WIPF3: variants seen among roughly 807,000 people sequenced by gnomAD.
The protein encoded by WIPF3 is WAS/WASL interacting protein family member 3.
In WIPF3, 33 loss-of-function variants were observed where a neutral mutation model predicts 38.9. The ratio of observed to expected loss-of-function variants is 0.85; its 90% CI spans 0.64 to 1.14. WIPF3 has a LOEUF of 1.14. Ranked by LOEUF, WIPF3 falls within the 50% of genes most tolerant of loss-of-function variation. The probability of loss-of-function intolerance (pLI) is 0.00; values close to 1 mark genes in which losing one functional copy is unlikely to be tolerated. For missense variants in WIPF3, 711 were observed against 652.5 expected, an observed-to-expected ratio of 1.09 and a Z score of -0.98; for synonymous variants, 324 against 269.3, an observed-to-expected ratio of 1.20 and a Z score of -1.99.
intron 8 of WIPF3, among the ~76,000 whole-genome samples, chr7:29,910,794 A>G (rs1017931664): frequency 2.6e-5 from 4 of 152,172 alleles, no homozygotes; most frequent in Non-Finnish European, 4.4e-5. Context: ...CCATATATGA[A>G]AAATCTACAG....
chr7:29,850,083 A>G (rs910947787), intron 2 of WIPF3, among the ~76,000 whole-genome samples: 10 of 152,248 alleles, frequency 6.6e-5, no homozygotes, highest in Non-Finnish European at 1.3e-4. Context: ...GTCATCAGAA[A>G]CTATATCTGT....
At chr7:29,895,924 A>G (rs1019944708) in intron 7 of WIPF3, among the ~76,000 whole-genome samples, 1 of 152,192 alleles carries the variant, frequency 6.6e-6, no homozygotes, top group East Asian at 1.9e-4. Flanking sequence ...ACTATATCAA[A>G]CCTTGAAAAT....
chr7:29,855,850 A>G (rs1036691942), intron 2 of WIPF3, among the ~76,000 whole-genome samples: 2 of 152,242 alleles, frequency 1.3e-5, no homozygotes, highest in East Asian at 1.9e-4. Context: ...AAATCAAAGT[A>G]CAGGACACCC....
chr7:29,866,416 C>T lies in WIPF3; in HGVS notation c.91-9414C>T, dbSNP rs370876243. Among the ~76,000 whole-genome samples, 19 of 152,352 alleles carry T rather than the reference C, an allele frequency of 1.2e-4. No individual in the cohort carries two copies. The East Asian group carries it at 2.7e-3, about 22-fold the overall frequency. On this transcript the variant is annotated intron_variant, in intron 2 of 8. Transcript: ENST00000242140. ...GCAAGGAGAGAAGAGGCCCAACACT[C>T]ACAAGAGAGAGGTGGACCAGCAGGG...
intron 1 of WIPF3, among the ~76,000 whole-genome samples, chr7:29,825,039 A>G (rs1465110576): frequency 6.6e-6 from 1 of 152,192 alleles, no homozygotes; most frequent in Non-Finnish European, 1.5e-5. Flanking sequence ...GAATAGTAGC[A>G]TTTTTGGAGT....
chr7:29,902,268 C>CTTT (rs1267369053), intron 7 of WIPF3, among the ~76,000 whole-genome samples: 24 of 117,354 alleles, frequency 2.0e-4, no homozygotes, highest in Admixed American at 3.7e-4. Flanking sequence ...TCTTCTTCTT[C>CTTT]TTCTTCTTTT....
intron 2 of WIPF3, among the ~76,000 whole-genome samples, chr7:29,853,871 T>G (rs1030032616): frequency 6.6e-6 from 1 of 152,236 alleles, no homozygotes; most frequent in African/African-American, 2.4e-5. Context: ...ATAGCGATGC[T>G]CTTTTTCCTT....
intron 1 of WIPF3, among the ~76,000 whole-genome samples, chr7:29,816,773 T>G (rs953455212): frequency 6.6e-6 from 1 of 152,228 alleles, no homozygotes; most frequent in South Asian, 2.1e-4. Flanking sequence ...CATAATTTAA[T>G]AATTAGTTTT....
intron 2 of WIPF3, among the ~76,000 whole-genome samples, chr7:29,851,298 C>T (rs1785091720): frequency 6.6e-6 from 1 of 152,172 alleles, no homozygotes; most frequent in Non-Finnish European, 1.5e-5. Flanking sequence ...CTGGTGTCTG[C>T]GATGTTCTCC....
chr7:29,826,463 C>G (rs997688054), intron 1 of WIPF3, among the ~76,000 whole-genome samples: 1 of 152,142 alleles, frequency 6.6e-6, no homozygotes, highest in Non-Finnish European at 1.5e-5. Context: ...ATCACTGTTC[C>G]CCAAAGCCTG....
At chr7:29,913,851 C>T (rs1158105096) in intron 8 of WIPF3, among the ~76,000 whole-genome samples, 1 of 152,216 alleles carries the variant, frequency 6.6e-6, no homozygotes, top group African/African-American at 2.4e-5. Flanking sequence ...TGTGCAGGAT[C>T]TGGTCTCCAG....
chr7:29,843,240 A>G (rs1784943694), intron 2 of WIPF3, among the ~76,000 whole-genome samples: 1 of 152,190 alleles, frequency 6.6e-6, no homozygotes, highest in South Asian at 2.1e-4. Flanking sequence ...TGCCACTCAT[A>G]CTTCCAAAGG....
intron 2 of WIPF3, among the ~76,000 whole-genome samples, chr7:29,867,870 C>T (rs1454209365): frequency 1.3e-5 from 2 of 152,092 alleles, no homozygotes; most frequent in South Asian, 2.1e-4. Flanking sequence ...GAGGCAGAGT[C>T]GAAGATCCAG....
chr7:29,884,502 A>C lies in WIPF3; in HGVS notation c.1008A>C (p.Pro336=). 7 of 1,516,858 alleles carry C rather than the reference A, an allele frequency of 4.6e-6. No homozygotes were observed. Among genetic ancestry groups the C allele is most frequent in the East Asian group, 2.5e-5 (1 of 40,064 alleles). 94.0% of individuals were successfully genotyped at this position (1,516,858 alleles called of 1,614,324 possible). The part of the protein sequence containing the change: ...LPPKSPSFQA[P]PQKAGAQALP... ...CTAAATCCCCCAGCTTCCAGGCCCC[A>C]CCGCAGAAGGCCGGTGCGCAGGCCT... The change falls in exon 5 of 9, where the codon CCA becomes CCC. Residue 336 remains proline, a synonymous_variant. Transcript: ENST00000242140.
chr7:29,909,368 T>C (rs1786461884), intron 8 of WIPF3, among the ~76,000 whole-genome samples: 1 of 152,090 alleles, frequency 6.6e-6, no homozygotes, highest in South Asian at 2.1e-4. Context: ...AAGTTGGTTA[T>C]TGAAAAGATT....
intron 1 of WIPF3, among the ~76,000 whole-genome samples, chr7:29,834,263 G>T (rs1784764051): frequency 6.6e-6 from 1 of 152,064 alleles, no homozygotes; most frequent in Non-Finnish European, 1.5e-5. Flanking sequence ...GCTCTGCTTA[G>T]GAAAATGGGA....
At chr7:29,905,330 A>T (rs1303805759) in intron 8 of WIPF3, 1 of 152,262 alleles carries the variant, frequency 6.6e-6, no homozygotes, top group East Asian at 1.9e-4. Context: ...GACAGGAAGA[A>T]TATACACAAT....
intron 7 of WIPF3, among the ~76,000 whole-genome samples, chr7:29,901,383 ATT>A (rs543723994): frequency 0.061 from 7,407 of 121,510 alleles, 246 homozygotes; most frequent in African/African-American, 0.097. Context: ...AGCAGCAGTG[ATT>A]TTTTTTTTTT....
intron 5 of WIPF3, among the ~76,000 whole-genome samples, chr7:29,886,576 C>T (rs540044564): frequency 6.6e-6 from 1 of 151,870 alleles, no homozygotes; most frequent in East Asian, 1.9e-4. Flanking sequence ...AGGCTGGTCT[C>T]GAACTCCTGA....
Sources: gnomAD v4.1 joint callset for allele counts (sites outside exome capture counted in the v4.1 genomes callset) on GRCh38, gnomAD v4.1.1 for gene constraint, MANE v1.5 for transcripts, NCBI Gene and HGNC (gene_info 2026-07-23, HGNC 2026-07-21) for gene names.